Variants in HTR2C observed in about 807,000 individuals in gnomAD.
HTR2C encodes the protein 5-hydroxytryptamine (serotonin) receptor 2C, G protein-coupled.
In HTR2C, 5 loss-of-function variants were observed where a neutral mutation model predicts 21.0. That is an observed-to-expected ratio of 0.24 (90% confidence interval 0.12 to 0.50). The LOEUF is 0.50. Ranked by LOEUF, HTR2C falls within the 20% of genes least tolerant of loss-of-function variation. The pLI is 0.98. For missense variants in HTR2C, 271 were observed against 371.2 expected, an observed-to-expected ratio of 0.73 and a Z score of 2.22; for synonymous variants, 150 against 145.3, an observed-to-expected ratio of 1.03 and a Z score of -0.23.
At chrX:114,677,454 A>G (rs782623533) in intron 2 of HTR2C, among the ~76,000 whole-genome samples, 2 of 111,210 alleles carry the variant, frequency 1.8e-5, no homozygotes, top group Non-Finnish European at 3.8e-5. Flanking sequence ...TTTAGAGGAC[A>G]AACCTCAGTT....
intron 5 of HTR2C, among the ~76,000 whole-genome samples, chrX:114,862,900 C>T (rs5988150): frequency 0.026 from 2,836 of 110,819 alleles, 88 homozygotes; most frequent in African/African-American, 0.087. Context: ...ACCAACTTCT[C>T]GTCATCTCCC....
At chrX:114,868,844 A>ATT (rs782502332) in intron 5 of HTR2C, among the ~76,000 whole-genome samples, 1 of 107,210 alleles carries the variant, frequency 9.3e-6, no homozygotes, top group Non-Finnish European at 1.9e-5. Context: ...CACTTTTTGT[A>ATT]TTTTTTTTTT....
intron 1 of HTR2C, among the ~76,000 whole-genome samples, chrX:114,587,439 A>G (rs781908498): frequency 8.9e-6 from 1 of 111,832 alleles, no homozygotes; most frequent in Non-Finnish European, 1.9e-5. Flanking sequence ...CTGCTAAATT[A>G]TGTTCCTCTA....
intron 4 of HTR2C, among the ~76,000 whole-genome samples, chrX:114,765,966 T>C (rs782637705): frequency 3.6e-5 from 4 of 111,603 alleles, no homozygotes; most frequent in Non-Finnish European, 7.5e-5. Flanking sequence ...CTTCAAAGAC[T>C]TGAAGGATTT....
chrX:114,831,403 G>A (rs5988139), intron 4 of HTR2C, among the ~76,000 whole-genome samples: 4,266 of 96,685 alleles, frequency 0.044, 223 homozygotes, highest in African/African-American at 0.15. Context: ...ACTGGTGTGA[G>A]ATGGTATCTC....
At chrX:114,795,012 A>G (rs1233297545) in intron 4 of HTR2C, among the ~76,000 whole-genome samples, 5 of 108,428 alleles carry the variant, frequency 4.6e-5, no homozygotes, top group African/African-American at 1.0e-4. Context: ...AAGTGTTCCT[A>G]TTTCTCCACA....
chrX:114,692,978 C>T (rs181818944), intron 2 of HTR2C, among the ~76,000 whole-genome samples: 39 of 111,351 alleles, frequency 3.5e-4, no homozygotes, highest in Non-Finnish European at 5.5e-4. Context: ...AATGAAACCA[C>T]GTGAAACAGC....
At chrX:114,724,576 T>G (rs1933368789) in intron 2 of HTR2C, among the ~76,000 whole-genome samples, 1 of 65,392 alleles carries the variant, frequency 1.5e-5, no homozygotes, top group African/African-American at 4.7e-5. Context: ...AGCTGGTTAT[T>G]TTGCTCATTA....
chrX:114,773,716 T>C (rs2070028010), intron 4 of HTR2C, among the ~76,000 whole-genome samples: 1 of 112,569 alleles, frequency 8.9e-6, no homozygotes, highest in Non-Finnish European at 1.9e-5. Context: ...CCACAGAATC[T>C]ATTCAGGAAC....
At chrX:114,627,891 A>C (rs782299595) in intron 2 of HTR2C, among the ~76,000 whole-genome samples, 1 of 112,254 alleles carries the variant, frequency 8.9e-6, no homozygotes, top group Admixed American at 9.4e-5. Context: ...TCATAGGATC[A>C]GAAAGTAAAG....
chrX:114,853,171 A>G (rs1185336631), intron 5 of HTR2C, among the ~76,000 whole-genome samples: 1 of 111,266 alleles, frequency 9.0e-6, no homozygotes, highest in Non-Finnish European at 1.9e-5. Flanking sequence ...ATGTATGAAA[A>G]CCACTTCAGT....
intron 2 of HTR2C, among the ~76,000 whole-genome samples, chrX:114,723,237 G>T (rs1349828548): frequency 3.6e-5 from 4 of 110,472 alleles, no homozygotes; most frequent in South Asian, 3.9e-4. Context: ...TCCTGGTTTA[G>T]TCTTGGGAGA....
intron 4 of HTR2C, among the ~76,000 whole-genome samples, chrX:114,741,852 G>A (rs1488831207): frequency 9.1e-6 from 1 of 110,267 alleles, no homozygotes; most frequent in African/African-American, 3.3e-5. Flanking sequence ...AAAACTTAGA[G>A]AAGTAACCTA....
chrX:114,745,439 A>G (rs782322440), intron 4 of HTR2C, among the ~76,000 whole-genome samples: 13 of 112,076 alleles, frequency 1.2e-4, no homozygotes, highest in African/African-American at 3.9e-4. Flanking sequence ...TGATCTAGCA[A>G]TCCCACTGCT....
chrX:114,622,748 A>C (rs1929214983), intron 2 of HTR2C, among the ~76,000 whole-genome samples: 1 of 111,952 alleles, frequency 8.9e-6, no homozygotes, highest in African/African-American at 3.2e-5. Context: ...CTTACCTATA[A>C]CCCCTGGTAA....
intron 4 of HTR2C, among the ~76,000 whole-genome samples, chrX:114,781,025 T>C (rs1376505769): frequency 8.9e-6 from 1 of 111,981 alleles, no homozygotes; most frequent in East Asian, 2.8e-4. Flanking sequence ...GAAGATCCAC[T>C]TTGTTCTTTT....
chrX:114,833,444 G>A (rs782308817), intron 4 of HTR2C, among the ~76,000 whole-genome samples: 118 of 111,009 alleles, frequency 1.1e-3, no homozygotes, highest in South Asian at 7.4e-3. Context: ...TGTATGTGTC[G>A]AGGAATTTAT....
At position 114,892,167 on chromosome X, in the gene HTR2C, G is replaced by A. The variant is rs782438483; in HGVS notation, c.551-14422G>A. Reference sequence around the variant, plus strand: ...CTTGCAAAGTCCTTATCAGCTTTTCGTATCAGTTATGCTGAAATCATAAAA... The same window carrying A: ...CTTGCAAAGTCCTTATCAGCTTTTCATATCAGTTATGCTGAAATCATAAAA... On this transcript the variant is annotated intron_variant, in intron 5 of 5. Transcript: ENST00000276198. 7.2e-5 allele frequency among the ~76,000 whole-genome samples: 8 copies of A among 111,547 alleles called. 1 individual carries two copies. The South Asian group carries it at 1.8e-3, about 26-fold the overall frequency.
chrX:114,890,470 A>G (rs1237318568), intron 5 of HTR2C, among the ~76,000 whole-genome samples: 9 of 112,137 alleles, frequency 8.0e-5, no homozygotes, highest in Admixed American at 1.9e-4. Context: ...GGTTTTCATG[A>G]GTTACTATCT....
Sources: gnomAD v4.1 joint callset for allele counts (sites outside exome capture counted in the v4.1 genomes callset) on GRCh38, gnomAD v4.1.1 for gene constraint, MANE v1.5 for transcripts, NCBI Gene and HGNC (gene_info 2026-07-23, HGNC 2026-07-21) for gene names.